TEAD4: variants seen among roughly 807,000 people sequenced by gnomAD.
TEAD4 encodes TEA domain transcription factor 4, also known as transcriptional enhancer factor TEF-3.
Under a neutral mutation model 52.4 loss-of-function variants are expected in TEAD4, and 36 were observed. The ratio of observed to expected loss-of-function variants is 0.69; its 90% CI spans 0.53 to 0.91. The LOEUF (loss-of-function observed/expected upper bound fraction) is 0.91. TEAD4 is among the 40% of genes least tolerant of loss of function. The probability of loss-of-function intolerance (pLI) is 0.00; values close to 1 mark genes in which losing one functional copy is unlikely to be tolerated. For missense variants in TEAD4, 508 were observed against 583.9 expected, an observed-to-expected ratio of 0.87 and a Z score of 1.34; for synonymous variants, 220 against 231.0, an observed-to-expected ratio of 0.95 and a Z score of 0.43.
chr12:3,031,201 C>T (rs2098275274), intron 10 of TEAD4, among the ~76,000 whole-genome samples: 1 of 152,202 alleles, frequency 6.6e-6, no homozygotes, highest in South Asian at 2.1e-4. Context: ...GGGCCCCCAG[C>T]CCCCTGGAGA....
intron 10 of TEAD4, among the ~76,000 whole-genome samples, chr12:3,023,952 A>C (rs751035584): frequency 1.3e-5 from 2 of 152,158 alleles, no homozygotes; most frequent in Non-Finnish European, 2.9e-5. Context: ...TCTCGATGTC[A>C]GGATTAAGAC....
At chr12:3,011,991 G>A (rs1425017485) in intron 4 of TEAD4, among the ~76,000 whole-genome samples, 179 bp from the exon 5 acceptor site, 2 of 152,162 alleles carry the variant, frequency 1.3e-5, no homozygotes, top group Admixed American at 6.5e-5. Flanking sequence ...AAATACTGCC[G>A]GTTTCTGGAT....
intron 2 of TEAD4, among the ~76,000 whole-genome samples, chr12:2,988,866 A>G (rs1427982614): frequency 6.6e-6 from 1 of 152,156 alleles, no homozygotes; most frequent in Non-Finnish European, 1.5e-5. Flanking sequence ...GGGTGGAGGG[A>G]CCTGAAGGGT....
chr12:2,962,342 A>ATTT (rs1399894971), intron 2 of TEAD4, among the ~76,000 whole-genome samples: 142 of 96,764 alleles, frequency 1.5e-3, no homozygotes, highest in East Asian at 0.01. Flanking sequence ...AAATATATAT[A>ATTT]TATATTTTTT....
intron 2 of TEAD4, among the ~76,000 whole-genome samples, chr12:2,966,445 T>C (rs2098220291): frequency 6.6e-6 from 1 of 150,704 alleles, no homozygotes; most frequent in Non-Finnish European, 1.5e-5. Context: ...TGGGTCTTGC[T>C]CTGTCACCAG....
chr12:2,975,314 A>G (rs1419144764), intron 2 of TEAD4, among the ~76,000 whole-genome samples: 2 of 151,766 alleles, frequency 1.3e-5, no homozygotes, highest in Non-Finnish European at 2.9e-5. Flanking sequence ...CATTTGTTGC[A>G]ATTGATGTAC....
intron 2 of TEAD4, among the ~76,000 whole-genome samples, chr12:2,963,038 A>T (rs11062433): frequency 0.2 from 30,890 of 152,122 alleles, 3,908 homozygotes; most frequent in African/African-American, 0.35. Flanking sequence ...CTCTGCTCCG[A>T]CCTGGCAGAA....
intron 10 of TEAD4, among the ~76,000 whole-genome samples, chr12:3,035,310 T>C (rs374061762): frequency 9.8e-5 from 15 of 152,302 alleles, no homozygotes; most frequent in East Asian, 9.7e-4. Flanking sequence ...GTCACCACCA[T>C]TGATGCCTGG....
intron 2 of TEAD4, among the ~76,000 whole-genome samples, chr12:2,980,365 C>A (rs980550861): frequency 6.6e-6 from 1 of 152,188 alleles, no homozygotes; most frequent in Admixed American, 6.5e-5. Context: ...CCCCTCCCTC[C>A]AACTCTGCAC....
intron 3 of TEAD4, among the ~76,000 whole-genome samples, chr12:3,006,115 C>A (rs906312464): frequency 6.6e-6 from 1 of 152,076 alleles, no homozygotes; most frequent in Non-Finnish European, 1.5e-5. Context: ...AGATTATATA[C>A]GTATATCATA....
At chr12:3,015,640 A>G (rs1293744497) in intron 5 of TEAD4, among the ~76,000 whole-genome samples, 1 of 152,198 alleles carries the variant, frequency 6.6e-6, no homozygotes, top group Non-Finnish European at 1.5e-5. Context: ...TGCAGGGCTC[A>G]CCGTTGCTTC....
chr12:2,988,503 A>T (rs898035185), intron 2 of TEAD4, among the ~76,000 whole-genome samples: 3 of 90,166 alleles, frequency 3.3e-5, no homozygotes, highest in African/African-American at 9.3e-5. Flanking sequence ...TGGGCAAAAA[A>T]AGCTCAAAAA....
At position 3,017,483 on chromosome 12, in the gene TEAD4, G is replaced by C; in HGVS notation, c.440G>C (p.Ser147Thr). 6.2e-7 allele frequency: 1 copy of C among 1,614,158 alleles called. No individual in the cohort carries two copies. Among genetic ancestry groups the C allele is most frequent in the Non-Finnish European group, 8.5e-7 (1 of 1,180,030 alleles). Residue 147 changes from serine to threonine, a missense_variant, in exon 6 of 13, where the codon AGC (serine) becomes ACC (threonine). Transcript: ENST00000359864. ...ATCTCCGCCACGGCCTTCCACAGTA[G>C]CATGGCCCTCGCCCGGGGCCCCGGC...
chr12:2,960,464 T>A, intron 2 of TEAD4: 2 of 636,866 alleles, frequency 3.1e-6, no homozygotes, highest in Non-Finnish European at 2.0e-6. Flanking sequence ...TGATGGGGAC[T>A]AGTGGATCGA....
At position 3,037,985 on chromosome 12, in the gene TEAD4, C is replaced by T; in HGVS notation, c.915C>T (p.Asn305=). The change falls in exon 11 of 13, where the codon AAC becomes AAT. Residue 305 remains asparagine, a synonymous_variant. Transcript: ENST00000359864. The stretch of plus-strand genomic sequence containing the variant: ...CCCTCCAGGCAGACCTCAACACCAA[C>T]ATCGAGGATGAAGGCAGCTCCTTCT... 6.2e-7 allele frequency: 1 copy of T among 1,613,822 alleles called. No individual in the cohort carries two copies. Among genetic ancestry groups the T allele is most frequent in the East Asian group, 2.2e-5 (1 of 44,866 alleles).
Position 2,959,880 on chromosome 12 carries a change from T to G in TEAD4, c.-122-68T>G. The G allele has an allele frequency of 6.6e-6, 1 of 151,680 alleles. No homozygotes were observed. Among genetic ancestry groups the G allele is most frequent in the Non-Finnish European group, 1.5e-5 (1 of 67,906 alleles). The allele number at this position is 151,680 out of a possible 1,614,324, so 9.4% of individuals were successfully genotyped here. On this transcript the variant is annotated intron_variant, in intron 1 of 12. Transcript: ENST00000359864. This position sits in a 1 kb window ranked among gnomAD's most constrained non-coding sequence, Gnocchi z 5.1. ...TGGGCTTGGCCCCGCGGCCCCGCCT[T>G]CACTGCGCCGCCCGTCGGCCCCGGC...
At position 3,040,256 on chromosome 12, in the gene TEAD4, G is replaced by T; in HGVS notation, c.1188G>T (p.Leu396=). 4.3e-6 allele frequency: 7 copies of T among 1,614,212 alleles called. No individual in the cohort carries two copies. The highest frequency in any genetic ancestry group is 5.1e-6 in the Non-Finnish European group (6 of 1,180,036). The stretch of plus-strand genomic sequence containing the variant: ...GCGTGCTGGAGAACTTCACCATCCT[G>T]CAGGTGTGCGGCGGGTGCTGCGGGT... The change falls in exon 12 of 13, where the codon CTG becomes CTT. Residue 396 remains leucine, a synonymous_variant. Coordinates refer to ENST00000359864, the MANE Select transcript of TEAD4 (RefSeq NM_003213.4).
intron 3 of TEAD4, among the ~76,000 whole-genome samples, chr12:3,010,200 C>T (rs185843097): frequency 6.6e-5 from 10 of 152,380 alleles, no homozygotes; most frequent in Non-Finnish European, 1.0e-4. Context: ...CGTCCCTGTC[C>T]GTAGCACCCC....
intron 3 of TEAD4, among the ~76,000 whole-genome samples, chr12:3,003,825 C>T (rs1313471452): frequency 6.6e-6 from 1 of 152,238 alleles, no homozygotes; most frequent in African/African-American, 2.4e-5. Flanking sequence ...CCTCCTTCCC[C>T]AGCCTGTGTT....
Sources: allele counts gnomAD v4.1 joint callset (sites outside exome capture counted in the v4.1 genomes callset), GRCh38; gene constraint gnomAD v4.1.1; non-coding constraint Gnocchi (gnomAD v3.1); transcripts MANE v1.5; gene names NCBI Gene and HGNC (gene_info 2026-07-23, HGNC 2026-07-21).